CIAO2A: variants seen among roughly 807,000 people sequenced by gnomAD.
CIAO2A encodes cytosolic iron-sulfur assembly component 2A.
In CIAO2A, 17 loss-of-function variants were observed where a neutral mutation model predicts 22.4. The observed-to-expected ratio is 0.76, with a 90% CI of 0.52 to 1.14. The LOEUF (loss-of-function observed/expected upper bound fraction) is 1.14, where lower values mean the gene tolerates loss of function less well. Ranked by LOEUF, CIAO2A falls within the 50% of genes most tolerant of loss-of-function variation. The pLI, the probability that CIAO2A is intolerant of heterozygous loss-of-function variation, is 0.00. For missense variants in CIAO2A, 192 were observed against 191.4 expected, an observed-to-expected ratio of 1.00 and a Z score of -0.02; for synonymous variants, 74 against 72.3, an observed-to-expected ratio of 1.02 and a Z score of -0.12.
At chr15:64,093,314 C>A (rs1317534527) in intron 1 of CIAO2A, among the ~76,000 whole-genome samples, 1 of 152,114 alleles carries the variant, frequency 6.6e-6, no homozygotes, top group Non-Finnish European at 1.5e-5. Context: ...TAACCAGGCA[C>A]CCTAGACTTG....
At chr15:64,073,590 G>A (rs1375433499) in intron 4 of CIAO2A, among the ~76,000 whole-genome samples, 1 of 152,018 alleles carries the variant, frequency 6.6e-6, no homozygotes, top group Admixed American at 6.6e-5. Flanking sequence ...ACAATACCTG[G>A]TATTATTATC....
chr15:64,093,507 C>A (rs2080861077), intron 1 of CIAO2A, 138 bp downstream of exon 1: 9 of 1,075,660 alleles, frequency 8.4e-6, no homozygotes, highest in Non-Finnish European at 9.2e-6. Context: ...CGGACAAGAT[C>A]TGGCCAAAAA....
intron 2 of CIAO2A, among the ~76,000 whole-genome samples, chr15:64,085,310 G>A (rs935987630): frequency 6.6e-6 from 1 of 152,124 alleles, no homozygotes; most frequent in Non-Finnish European, 1.5e-5. Flanking sequence ...TGAGGCATGA[G>A]CCCAGGAATT....
At chr15:64,074,680 A>G (rs981727832) in intron 4 of CIAO2A, 1 of 152,184 alleles carries the variant, frequency 6.6e-6, no homozygotes, top group Non-Finnish European at 1.5e-5. Context: ...TTCCTCTGGA[A>G]GCAGCAGGCT....
At chr15:64,081,405 G>T (rs996401602) in intron 2 of CIAO2A, among the ~76,000 whole-genome samples, 1 of 152,014 alleles carries the variant, frequency 6.6e-6, no homozygotes, top group Non-Finnish European at 1.5e-5. Context: ...AAGTCACAAC[G>T]TAACTTCCTC....
At chr15:64,078,598 T>C (rs2080736309) in intron 3 of CIAO2A, among the ~76,000 whole-genome samples, 1 of 138,688 alleles carries the variant, frequency 7.2e-6, no homozygotes, top group African/African-American at 2.6e-5. Flanking sequence ...ATCGCACCAC[T>C]GCCCTCCAGC....
At chr15:64,073,442 T>G (rs2080691034) in intron 4 of CIAO2A, among the ~76,000 whole-genome samples, 1 of 152,216 alleles carries the variant, frequency 6.6e-6, no homozygotes, top group Non-Finnish European at 1.5e-5. Flanking sequence ...AGCCTTCTTT[T>G]TGGAAATATT....
At chr15:64,076,974 G>C (rs1373635144) in intron 3 of CIAO2A, among the ~76,000 whole-genome samples, 1 of 152,020 alleles carries the variant, frequency 6.6e-6, no homozygotes, top group Non-Finnish European at 1.5e-5. Flanking sequence ...CCAAAGTACA[G>C]AGATTATAGG....
chr15:64,076,930 T>C (rs951023807), intron 3 of CIAO2A, among the ~76,000 whole-genome samples: 5 of 152,098 alleles, frequency 3.3e-5, no homozygotes, highest in African/African-American at 1.2e-4. Flanking sequence ...GGTCTTGAAT[T>C]CCTGAGGTTA....
chr15:64,093,286 C>A (rs2080857940), intron 1 of CIAO2A, among the ~76,000 whole-genome samples: 1 of 152,210 alleles, frequency 6.6e-6, no homozygotes, highest in Non-Finnish European at 1.5e-5. Context: ...GTAGTGCAAT[C>A]AGGCCAGCTT....
chr15:64,089,459 C>T (rs1031755536), intron 1 of CIAO2A, among the ~76,000 whole-genome samples: 1 of 98,816 alleles, frequency 1.0e-5, no homozygotes, highest in South Asian at 3.4e-4. Flanking sequence ...AGGTTGAGAG[C>T]GGAGATCGTG....
In CIAO2A at chr15:64,093,772, C is replaced by G. The variant is rs2080866042; in HGVS notation, c.-4G>C. ...GCAGCCCGGACACCCGCTGCATCTTCACGCTCAGCCATCCCTGGCGACTGT... is the reference window on the plus strand; with the variant it reads ...GCAGCCCGGACACCCGCTGCATCTTGACGCTCAGCCATCCCTGGCGACTGT... On this transcript the variant is annotated 5_prime_UTR_variant, in exon 1 of 5. Transcript: ENST00000300030. The G allele has an allele frequency of 6.2e-7, 1 of 1,609,572 alleles. No individual in the cohort carries two copies. The highest frequency in any genetic ancestry group is 1.7e-5 in the Admixed American group (1 of 59,788).
Position 64,093,683 on chromosome 15 carries a change from T to C in CIAO2A, c.86A>G (p.Gln29Arg). Residue 29 changes from glutamine to arginine, a missense_variant, in exon 1 of 5, where the codon CAG becomes CGG. Gln to Arg is a conservative substitution (Grantham distance 43). Transcript: ENST00000300030. ...SGLSEPGAAR[Q>R]PRIMEEKALE... The stretch of plus-strand genomic sequence containing the variant: ...CGCTTTCTCTTCCATGATCCGGGGC[T>C]GCCGGGCAGCTCCCGGCTCAGAGAG... The C allele has an allele frequency of 2.5e-6, 4 of 1,614,058 alleles. No homozygotes were observed. The South Asian group carries it at 4.4e-5, about 18-fold the overall frequency.
intron 3 of CIAO2A, among the ~76,000 whole-genome samples, chr15:64,076,642 C>T (rs183244078): frequency 6.6e-6 from 1 of 151,294 alleles, no homozygotes; most frequent in East Asian, 1.9e-4. Context: ...TTATTTACTA[C>T]GGAGATAAAC....
chr15:64,093,085 C>A (rs578093672), intron 1 of CIAO2A, among the ~76,000 whole-genome samples: 5 of 152,006 alleles, frequency 3.3e-5, no homozygotes, highest in African/African-American at 1.2e-4. Context: ...TGTGTGTGTG[C>A]GTTATGTGTG....
In CIAO2A at chr15:64,081,126, C is replaced by T. The variant is rs1352908744; in HGVS notation, c.315G>A (p.Gln105=). Reference sequence around the variant, plus strand: ...CCTTATGTTTAAATGGTAAACATCGCTGAAGTTTTACTCTTAAGCACAGCC... The same window carrying T: ...CCTTATGTTTAAATGGTAAACATCGTTGAAGTTTTACTCTTAAGCACAGCC... ...LIGLCLRVKL[Q]RCLPFKHKLE... is the part of the protein sequence containing the mutation. The change falls in exon 3 of 5, where the codon CAG becomes CAA. Residue 105 remains glutamine (Q), a synonymous_variant. Coordinates refer to ENST00000300030, the MANE Select transcript of CIAO2A (RefSeq NM_032231.7). 7 of 1,613,362 alleles carry T rather than the reference C, an allele frequency of 4.3e-6. No homozygotes were observed. In the Admixed American group the frequency reaches 8.4e-5, roughly 19 times the overall value.
At chr15:64,081,854 T>C (rs956702613) in intron 2 of CIAO2A, among the ~76,000 whole-genome samples, 2 of 152,006 alleles carry the variant, frequency 1.3e-5, no homozygotes, top group Non-Finnish European at 2.9e-5. Flanking sequence ...AATTAACTTT[T>C]TAAAATGCCC....
At chr15:64,086,073 A>G (rs1244030197) in intron 2 of CIAO2A, among the ~76,000 whole-genome samples, 1 of 151,850 alleles carries the variant, frequency 6.6e-6, no homozygotes, top group Admixed American at 6.6e-5. Context: ...TACTGCCAAT[A>G]AACATGTTAC....
intron 1 of CIAO2A, among the ~76,000 whole-genome samples, chr15:64,089,793 C>T (rs1184669057): frequency 6.6e-6 from 1 of 152,152 alleles, no homozygotes; most frequent in Non-Finnish European, 1.5e-5. Context: ...AAAATAGTAT[C>T]TAGGACAACA....
Sources: allele counts gnomAD v4.1 joint callset (sites outside exome capture counted in the v4.1 genomes callset), GRCh38; gene constraint gnomAD v4.1.1; transcripts MANE v1.5; gene names NCBI Gene and HGNC (gene_info 2026-07-23, HGNC 2026-07-21).